The following CNTNAP5 variants were observed in gnomAD, a reference collection of about 807,000 sequenced individuals.
CNTNAP5 encodes contactin-associated protein-like 5.
In CNTNAP5, 72 loss-of-function variants were observed where a neutral mutation model predicts 150.2. The ratio of observed to expected loss-of-function variants is 0.48; its 90% CI spans 0.40 to 0.58. The LOEUF is 0.58. Among genes scored for constraint, CNTNAP5 ranks in the 20% least tolerant of loss-of-function variants. The probability of loss-of-function intolerance (pLI) is 0.00; values close to 1 mark genes in which losing one functional copy is unlikely to be tolerated. For missense variants in CNTNAP5, 1,636 were observed against 1,626.2 expected (o/e 1.01, Z -0.10); for synonymous variants, 672 against 619.8 (o/e 1.08, Z -1.25).
rs796272013 is a variant in CNTNAP5 at position 124,706,916 on chromosome 2, G to GAGAAGA, written c.2078-40292_2078-40287dup. Among the ~76,000 whole-genome samples, 15 of 30,034 alleles carry GAGAAGA rather than the reference G, an allele frequency of 5.0e-4. 2 individuals are homozygous for GAGAAGA. The highest frequency in any genetic ancestry group is 4.8e-3 in the East Asian group (5 of 1,032). 19.7% of individuals were successfully genotyped at this position (30,034 alleles called of 152,430 possible). A position where few individuals can be genotyped will look rare whatever the true frequency, so the allele number is the denominator to read the frequency against. On this transcript the variant is annotated intron_variant, in intron 13 of 23. Transcript: ENST00000682447. The stretch of plus-strand genomic sequence containing the variant: ...GAGGAAGAAGAAGGAGGAGGAGGAG[G>GAGAAGA]AGAAGAAGAAGAAGAAGAAGAAGAA...
chr2:124,853,225 T>A (rs1407640177), intron 19 of CNTNAP5, among the ~76,000 whole-genome samples: 1 of 152,248 alleles, frequency 6.6e-6, no homozygotes, highest in African/African-American at 2.4e-5. Context: ...GTGCTTTGTG[T>A]CTTTCCCTTT....
intron 1 of CNTNAP5, among the ~76,000 whole-genome samples, chr2:124,132,155 AGG>A (rs1683866813): frequency 6.6e-6 from 1 of 152,172 alleles, no homozygotes. Flanking sequence ...GGGTTTCATA[AGG>A]GCCCATTTTC....
chr2:124,874,950 T>C (rs1677823355), intron 21 of CNTNAP5, among the ~76,000 whole-genome samples: 1 of 152,064 alleles, frequency 6.6e-6, no homozygotes, highest in Admixed American at 6.6e-5. Context: ...TTTCAATATT[T>C]ACTTGCCTCA....
At chr2:124,129,208 C>T (rs909984883) in intron 1 of CNTNAP5, among the ~76,000 whole-genome samples, 9 of 151,884 alleles carry the variant, frequency 5.9e-5, no homozygotes, top group African/African-American at 1.9e-4. Flanking sequence ...GTATTTAATT[C>T]ATAATAAAAA....
At chr2:124,734,717 C>T (rs1482599663) in intron 13 of CNTNAP5, among the ~76,000 whole-genome samples, 3 of 152,180 alleles carry the variant, frequency 2.0e-5, no homozygotes, top group Admixed American at 6.6e-5. Context: ...TTTGTCTCCA[C>T]TTATCATCCT....
At chr2:124,102,023 T>G (rs1683077717) in intron 1 of CNTNAP5, among the ~76,000 whole-genome samples, 2 of 152,138 alleles carry the variant, frequency 1.3e-5, no homozygotes, top group African/African-American at 4.8e-5. Flanking sequence ...CCAGAGACAC[T>G]TGCCCACACA....
chr2:124,188,674 A>C (rs1459790984), intron 1 of CNTNAP5, among the ~76,000 whole-genome samples: 1 of 140,406 alleles, frequency 7.1e-6, no homozygotes, highest in Non-Finnish European at 1.5e-5. Flanking sequence ...AGCCGAGATC[A>C]CGCCACTGCA....
intron 13 of CNTNAP5, among the ~76,000 whole-genome samples, chr2:124,731,866 ATGTG>A (rs924947253): frequency 6.6e-6 from 1 of 150,484 alleles, no homozygotes; most frequent in Non-Finnish European, 1.5e-5. Context: ...GTGTGAGTGT[ATGTG>A]TGTGTGTGTA....
rs181900576 is a variant in CNTNAP5, at chr2:124,162,367, A to G, written c.83-59338A>G. On this transcript the variant is annotated intron_variant, in intron 1 of 23. Transcript: ENST00000682447. ...GTAAAAAAATTATGAGGCAGATCTT[A>G]TTATCTTTACAGACAGTAAATCAAG... Among the ~76,000 whole-genome samples, 490 of 152,310 alleles carry G rather than the reference A, an allele frequency of 3.2e-3. 3 individuals carry two copies. Among genetic ancestry groups the G allele is most frequent in the African/African-American group, 0.011 (458 of 41,572 alleles).
intron 11 of CNTNAP5, among the ~76,000 whole-genome samples, chr2:124,586,503 A>G (rs1011179490): frequency 6.6e-6 from 1 of 152,138 alleles, no homozygotes; most frequent in South Asian, 2.1e-4. Context: ...TAGCTTTTTT[A>G]TGTATAAAAT....
At chr2:124,316,215 C>G (rs1688955775) in intron 3 of CNTNAP5, among the ~76,000 whole-genome samples, 1 of 152,170 alleles carries the variant, frequency 6.6e-6, no homozygotes, top group African/African-American at 2.4e-5. Context: ...GCAGACCACA[C>G]TTTCCTGGAA....
At chr2:124,242,076 A>C in intron 2 of CNTNAP5, 124 bp from the exon 3 acceptor site, 125 of 657,648 alleles carry the variant, frequency 1.9e-4, no homozygotes, top group Non-Finnish European at 2.8e-4. Context: ...AGGGAAGAGT[A>C]GGGCCCATTT....
At chr2:124,363,656 T>C (rs1244574172) in intron 3 of CNTNAP5, among the ~76,000 whole-genome samples, 1 of 152,204 alleles carries the variant, frequency 6.6e-6, no homozygotes, top group Non-Finnish European at 1.5e-5. Flanking sequence ...TAATACTGTA[T>C]TGTGCACTTA....
chr2:124,763,426 C>T (rs990019236), intron 14 of CNTNAP5, among the ~76,000 whole-genome samples: 1 of 152,114 alleles, frequency 6.6e-6, no homozygotes, highest in Non-Finnish European at 1.5e-5. Context: ...GTAAACTATC[C>T]ATTTCTACAA....
At chr2:124,774,614 G>A (rs1219432607) in intron 17 of CNTNAP5, among the ~76,000 whole-genome samples, 8 of 151,960 alleles carry the variant, frequency 5.3e-5, no homozygotes, top group African/African-American at 1.9e-4. Flanking sequence ...CATTTTGATG[G>A]GTGACTTCTG....
At chr2:124,502,138 T>A (rs948551555) in intron 7 of CNTNAP5, among the ~76,000 whole-genome samples, 1 of 152,158 alleles carries the variant, frequency 6.6e-6, no homozygotes, top group Non-Finnish European at 1.5e-5. Flanking sequence ...CTTATCTTAA[T>A]AGTGACAATC....
At chr2:124,147,708 T>C (rs1684288758) in intron 1 of CNTNAP5, among the ~76,000 whole-genome samples, 1 of 152,176 alleles carries the variant, frequency 6.6e-6, no homozygotes, top group East Asian at 1.9e-4. Context: ...ACTAGCTCTG[T>C]TGGGAGCCTC....
At chr2:124,092,078 C>G (rs1433223770) in intron 1 of CNTNAP5, among the ~76,000 whole-genome samples, 1 of 152,178 alleles carries the variant, frequency 6.6e-6, no homozygotes, top group East Asian at 1.9e-4. Context: ...ATTATCCTTT[C>G]TGAGTACCCT....
intron 10 of CNTNAP5, among the ~76,000 whole-genome samples, chr2:124,549,437 C>T (rs777142720): frequency 1.3e-5 from 2 of 152,072 alleles, no homozygotes; most frequent in African/African-American, 2.4e-5. Flanking sequence ...TTAGTTCTAT[C>T]CATAACAAAT....
Sources: gnomAD v4.1 joint callset for allele counts (sites outside exome capture counted in the v4.1 genomes callset) on GRCh38, gnomAD v4.1.1 for gene constraint, MANE v1.5 for transcripts, NCBI Gene and HGNC (gene_info 2026-07-23, HGNC 2026-07-21) for gene names.